The following LSP1 variants were observed in gnomAD, a reference collection of about 807,000 sequenced individuals.
The protein encoded by LSP1 is lymphocyte-specific protein 1.
LSP1 carries 32 observed loss-of-function variants against 49.3 expected under a neutral mutation model. The ratio of observed to expected loss-of-function variants is 0.65; its 90% CI spans 0.49 to 0.87. The LOEUF (loss-of-function observed/expected upper bound fraction) is 0.87. Among genes scored for constraint, LSP1 ranks in the 40% least tolerant of loss-of-function variants. The pLI, the probability that LSP1 is intolerant of heterozygous loss-of-function variation, is 0.00. For synonymous variants in LSP1, 179 were observed against 178.8 expected (o/e 1.00, Z -0.01); for missense variants, 428 against 442.6 (o/e 0.97, Z 0.30).
chr11:1,871,579 G>A (rs1452908751), intron 1 of LSP1, among the ~76,000 whole-genome samples: 1 of 152,238 alleles, frequency 6.6e-6, no homozygotes, highest in African/African-American at 2.4e-5. Flanking sequence ...CTCAGCAGGG[G>A]GCCAAGGCTT....
chr11:1,871,853 C>T (rs1176690533), intron 1 of LSP1, among the ~76,000 whole-genome samples: 1 of 146,948 alleles, frequency 6.8e-6, no homozygotes, highest in African/African-American at 2.6e-5. Context: ...GCAGGCAGGC[C>T]TGGGCTGTAG....
intron 10 of LSP1, chr11:1,889,330 C>A (rs1362002947): frequency 2.8e-6 from 2 of 710,870 alleles, no homozygotes; most frequent in Non-Finnish European, 5.2e-6. Context: ...CCGCTGGGCC[C>A]TGCCAGGCGC....
intron 1 of LSP1, chr11:1,863,548 G>A (rs1189014216): frequency 1.3e-5 from 2 of 152,304 alleles, no homozygotes; most frequent in African/African-American, 4.8e-5. Context: ...GGTACATGGT[G>A]GTTCTGAGTG....
At chr11:1,865,523 C>T (rs548398174) in intron 1 of LSP1, among the ~76,000 whole-genome samples, 34 of 151,390 alleles carry the variant, frequency 2.2e-4, no homozygotes, top group African/African-American at 7.3e-4. Flanking sequence ...GCTGCGCTGT[C>T]GCCTGCTCAC....
intron 10 of LSP1, chr11:1,890,802 A>C (rs1032629958): frequency 1.7e-5 from 10 of 583,082 alleles, no homozygotes; most frequent in Admixed American, 6.0e-5. Context: ...CTAGTGTAGA[A>C]ATGAGGCCAC....
chr11:1,877,051 G>A (rs1214400173), intron 1 of LSP1, among the ~76,000 whole-genome samples: 10 of 152,200 alleles, frequency 6.6e-5, no homozygotes, highest in African/African-American at 2.4e-4. Flanking sequence ...CAAATCCCTC[G>A]CAGCTGCACG....
chr11:1,880,210 G>GA lies in LSP1; in HGVS notation c.179dup (p.Gln61AlafsTer14), dbSNP rs1223363589. 2 of 1,596,918 alleles carry GA rather than the reference G, an allele frequency of 1.3e-6. No individual in the cohort carries two copies. The highest frequency in any genetic ancestry group is 2.7e-5 in the African/African-American group (2 of 74,068). On this transcript the variant is annotated frameshift_variant, in exon 2 of 11. Transcript: ENST00000311604. LOFTEE classifies it high-confidence loss of function. ...GAGGCGGCCATGTCCCCGAGCGGCC[G>GA]AAGCAGGAGATGCTGTGAGCAGCCC...
intron 1 of LSP1, among the ~76,000 whole-genome samples, chr11:1,860,926 T>C (rs1847613508): frequency 6.6e-6 from 1 of 152,048 alleles, no homozygotes; most frequent in Non-Finnish European, 1.5e-5. Flanking sequence ...TCAGGAGAAG[T>C]AGACATATGG....
intron 1 of LSP1, among the ~76,000 whole-genome samples, chr11:1,859,841 G>A (rs587074): frequency 0.6 from 91,777 of 151,862 alleles, 27,999 homozygotes; most frequent in East Asian, 0.77. Context: ...GCATTTGGAG[G>A]CTGCCTCCTC....
At chr11:1,865,679 C>G (rs890248553) in intron 1 of LSP1, among the ~76,000 whole-genome samples, 2 of 151,146 alleles carry the variant, frequency 1.3e-5, no homozygotes, top group Non-Finnish European at 2.9e-5. Context: ...CCTGCACCGC[C>G]GGCTGCACTG....
intron 10 of LSP1, chr11:1,890,702 A>C: frequency 1.6e-6 from 1 of 612,038 alleles, no homozygotes; most frequent in Non-Finnish European, 2.9e-6. Flanking sequence ...TGGAGGCCTG[A>C]GTATTCTGCT....
At chr11:1,858,440 C>T (rs2133056520) in intron 1 of LSP1, among the ~76,000 whole-genome samples, 1 of 152,364 alleles carries the variant, frequency 6.6e-6, no homozygotes, top group East Asian at 1.9e-4. Context: ...GCAGGACCAG[C>T]AAGGTCCTCC....
chr11:1,884,058 C>T lies in LSP1; in HGVS notation c.591+34C>T, dbSNP rs761427753. ...AGCTGCAAAGCCTGCCATCTTCTCC[C>T]CTCTCCCGTACTCATACCCAAAAGG... is the stretch of plus-strand genomic sequence containing the variant. On this transcript the variant is annotated intron_variant, in intron 5 of 10. Coordinates refer to ENST00000311604, the MANE Select transcript of LSP1 (RefSeq NM_002339.3). The surrounding 1 kb of genome is among the most constrained non-coding windows in gnomAD (Gnocchi z 4.1). 3.8e-6 allele frequency: 6 copies of T among 1,579,816 alleles called. No homozygotes were observed. The Admixed American group carries it at 1.1e-4, about 29-fold the overall frequency.
chr11:1,873,763 G>T (rs1378749175), intron 1 of LSP1, among the ~76,000 whole-genome samples: 2 of 152,124 alleles, frequency 1.3e-5, no homozygotes, highest in African/African-American at 2.4e-5. Flanking sequence ...TCTGGTGGTT[G>T]TGGGGCAGGA....
At chr11:1,869,616 G>C in intron 1 of LSP1, 1 of 470,540 alleles carries the variant, frequency 2.1e-6, no homozygotes. Flanking sequence ...CAGGTGCCGG[G>C]GCAGAAGGCT....
intron 1 of LSP1, among the ~76,000 whole-genome samples, chr11:1,857,785 C>T (rs936160054): frequency 2.6e-5 from 4 of 152,186 alleles, no homozygotes; most frequent in Admixed American, 1.3e-4. Flanking sequence ...GACAGAGTCT[C>T]GCTCTGTTGC....
Position 1,884,381 on chromosome 11 carries a change from G to A in LSP1, c.635+58G>A, listed in dbSNP as rs1455517940. 6.2e-7 allele frequency: 1 copy of A among 1,612,306 alleles called. No individual in the cohort carries two copies. The highest frequency in any genetic ancestry group is 1.3e-5 in the African/African-American group (1 of 74,956). ...CAGATCTTAGGTTTAACCAAGTGGG[G>A]GTTGAAGGGAGTCACAAGGTAGAGA... On this transcript the variant is annotated intron_variant, in intron 6 of 10. Transcript: ENST00000311604. This position sits in a 1 kb window ranked among gnomAD's most constrained non-coding sequence, Gnocchi z 4.1.
intron 1 of LSP1, among the ~76,000 whole-genome samples, chr11:1,862,704 T>C (rs1000833506): frequency 6.6e-6 from 1 of 151,838 alleles, no homozygotes; most frequent in Non-Finnish European, 1.5e-5. Context: ...CCCTGGGTGA[T>C]CTCACCTCCC....
Position 1,853,174 on chromosome 11 carries a change from C to G in LSP1, c.30C>G (p.Ala10=). 2 of 1,610,444 alleles carry G rather than the reference C, an allele frequency of 1.2e-6. No individual in the cohort carries two copies. The highest frequency in any genetic ancestry group is 2.2e-5 in the East Asian group (1 of 44,698). The change falls in exon 1 of 11, where the codon GCC becomes GCG. Residue 10 remains alanine, a synonymous_variant. Coordinates refer to ENST00000311604, the MANE Select transcript of LSP1 (RefSeq NM_002339.3). The part of the protein sequence containing the change: MAEASSDPG[A]EEREELLGPT... ...CGGAGGCTTCGAGTGACCCGGGTGC[C>G]GAGGAGCGGGAAGAGTTGCTGGGGT...
Sources: allele counts gnomAD v4.1 joint callset (sites outside exome capture counted in the v4.1 genomes callset), GRCh38; gene constraint gnomAD v4.1.1; non-coding constraint Gnocchi (gnomAD v3.1); transcripts MANE v1.5; gene names NCBI Gene and HGNC (gene_info 2026-07-23, HGNC 2026-07-21).